Variants in TDRD7 observed in about 807,000 individuals in gnomAD.
The protein encoded by TDRD7 is tudor domain-containing protein 7.
TDRD7 carries 47 observed loss-of-function variants against 109.8 expected under a neutral mutation model. The observed-to-expected ratio is 0.43, with a 90% CI of 0.34 to 0.55. The LOEUF (loss-of-function observed/expected upper bound fraction) is 0.55. Among genes scored for constraint, TDRD7 ranks in the 20% least tolerant of loss-of-function variants. The pLI, the probability that TDRD7 is intolerant of heterozygous loss-of-function variation, is 0.03. For missense variants in TDRD7, 1,164 were observed against 1,319.2 expected (o/e 0.88, Z 1.82); for synonymous variants, 424 against 457.3 (o/e 0.93, Z 0.93).
Position 97,465,008 on chromosome 9 carries a change from A to G in TDRD7, c.1609A>G (p.Thr537Ala), listed in dbSNP as rs1828798768. Residue 537 changes from threonine to alanine, a missense_variant, in exon 8 of 17, where the codon ACA (threonine) becomes GCA (alanine). Thr to Ala is a moderately conservative substitution (Grantham distance 58). Transcript: ENST00000355295. ...CTGGTTACGGGCACAGGTCATCTCA[A>G]CAGAAGAGAACAAAATAAAGGCAAG... The part of the protein sequence containing the change: ...DAWLRAQVIS[T>A]EENKIKVCYV... The G allele has an allele frequency of 6.2e-7, 1 of 1,614,020 alleles. No individual in the cohort carries two copies. Among genetic ancestry groups the G allele is most frequent in the Non-Finnish European group, 8.5e-7 (1 of 1,179,956 alleles).
rs182184732 is a variant in TDRD7 at position 97,461,248 on chromosome 9, T to G, written c.1442+484T>G. The stretch of plus-strand genomic sequence containing the variant: ...TCAAAATATACAGCTATCCTAAGAC[T>G]ACTAATAGCTTTAAACATTGGAATG... On this transcript the variant is annotated intron_variant, in intron 7 of 16. Transcript: ENST00000355295. Among the ~76,000 whole-genome samples the G allele has an allele frequency of 2.0e-5, 3 of 152,308 alleles. No homozygotes were observed. In the East Asian group the frequency reaches 5.8e-4, roughly 29 times the overall value.
chr9:97,444,994 C>T (rs1275560679), intron 6 of TDRD7, among the ~76,000 whole-genome samples: 6 of 152,160 alleles, frequency 3.9e-5, no homozygotes, highest in Non-Finnish European at 5.9e-5. Context: ...TTGTCCTTAA[C>T]CTTTTGGGTC....
chr9:97,416,387 T>A (rs1053540634), intron 1 of TDRD7, among the ~76,000 whole-genome samples: 11 of 152,238 alleles, frequency 7.2e-5, no homozygotes, highest in Non-Finnish European at 1.0e-4. Flanking sequence ...ATTGGTCAAT[T>A]AAACATATAA....
intron 4 of TDRD7, among the ~76,000 whole-genome samples, chr9:97,432,589 C>T (rs1828123513): frequency 6.6e-6 from 1 of 152,176 alleles, no homozygotes; most frequent in Non-Finnish European, 1.5e-5. Flanking sequence ...AGACACTCCA[C>T]TGTGCTGCAA....
At position 97,459,299 on chromosome 9, in the gene TDRD7, A is replaced by G. The variant is rs565159383; in HGVS notation, c.856-879A>G. Among the ~76,000 whole-genome samples, 4 of 152,360 alleles carry G rather than the reference A, an allele frequency of 2.6e-5. No individual in the cohort carries two copies. In the East Asian group the frequency reaches 7.7e-4, roughly 29 times the overall value. On this transcript the variant is annotated intron_variant, in intron 6 of 16. Coordinates refer to ENST00000355295, the MANE Select transcript of TDRD7 (RefSeq NM_014290.3). Reference sequence around the variant, plus strand: ...ACTGTGTTCCAATAAAACTTTATGTATATTGAGTTTCATATAATTTTTGCA... The same window carrying G: ...ACTGTGTTCCAATAAAACTTTATGTGTATTGAGTTTCATATAATTTTTGCA...
In TDRD7 at chr9:97,456,123, T is replaced by G. The variant is rs532833811; in HGVS notation, c.856-4055T>G. Among the ~76,000 whole-genome samples, 11 of 152,204 alleles carry G rather than the reference T, an allele frequency of 7.2e-5. 1 individual carries two copies. The South Asian group carries it at 2.3e-3, about 32-fold the overall frequency. On this transcript the variant is annotated intron_variant, in intron 6 of 16. Transcript: ENST00000355295. ...CTAGGAACACAGCTAACAAAGGACA[T>G]GAAGGACCTCTTCAAAGACAACTAC...
chr9:97,487,783 G>A (rs1829237171), intron 16 of TDRD7, among the ~76,000 whole-genome samples: 1 of 151,816 alleles, frequency 6.6e-6, no homozygotes, highest in Non-Finnish European at 1.5e-5. Flanking sequence ...CTTTACACTA[G>A]CTAAAACGAA....
chr9:97,455,550 A>C (rs1321251721), intron 6 of TDRD7, among the ~76,000 whole-genome samples: 1 of 152,254 alleles, frequency 6.6e-6, no homozygotes, highest in African/African-American at 2.4e-5. Context: ...AATCCATCAC[A>C]TAAACAGAAC....
chr9:97,430,916 C>G lies in TDRD7; in HGVS notation c.208-17C>G, dbSNP rs747544844. The G allele has an allele frequency of 6.2e-7, 1 of 1,613,662 alleles. No individual in the cohort carries two copies. The highest frequency in any genetic ancestry group is 1.7e-5 in the Admixed American group (1 of 59,990). ...TCTGAGAAATGTTTCTCCTCTTACC[C>G]TGCCTCTAATGAATAGATTACCTGC... On this transcript the variant is annotated splice_polypyrimidine_tract_variant and intron_variant, in intron 2 of 16. Transcript: ENST00000355295.
chr9:97,480,748 TA>T, intron 13 of TDRD7, 79 bp from the exon 14 acceptor site: 1 of 1,170,836 alleles, frequency 8.5e-7, no homozygotes. Context: ...ATTTGATTTG[TA>T]GGAAAATAAT....
At chr9:97,482,709 T>G in intron 14 of TDRD7, 140 bp from the exon 15 acceptor site, 2 of 861,092 alleles carry the variant, frequency 2.3e-6, no homozygotes, top group Non-Finnish European at 3.5e-6. Flanking sequence ...GCTGTGATAA[T>G]TTATTTTTCC....
At chr9:97,480,518 C>T (rs76197967) in intron 13 of TDRD7, 4,599 of 375,340 alleles carry the variant, frequency 0.012, 168 homozygotes, top group East Asian at 0.1. Context: ...TACAGTCTTT[C>T]TGAGTCCATT....
Position 97,460,587 on chromosome 9 carries a change from G to T in TDRD7, c.1265G>T (p.Gly422Val), listed in dbSNP as rs758720057. 1 of 1,614,198 alleles carries T rather than the reference G, an allele frequency of 6.2e-7. No individual in the cohort carries two copies. Among genetic ancestry groups the T allele is most frequent in the Admixed American group, 1.7e-5 (1 of 60,028 alleles). ...CAAAAGGATGCAGGGCAAGCACATG[G>T]TGATAATGATATCAAGGCTATGGTT... ...KIQKDAGQAH[G>V]DNDIKAMVEQ... Residue 422 changes from glycine (G) to valine (V), a missense_variant, in exon 7 of 17, where the codon GGT (glycine) becomes GTT (valine). Gly to Val is a moderately radical substitution (Grantham distance 109). This residue lies in a region of TDRD7 where 407 missense variants were observed against 394.0 expected (regional missense o/e 1.03). Transcript: ENST00000355295.
chr9:97,485,252 C>T (rs1829193446), intron 15 of TDRD7, among the ~76,000 whole-genome samples: 1 of 152,208 alleles, frequency 6.6e-6, no homozygotes, highest in Admixed American at 6.5e-5. Context: ...GCAGATTCTT[C>T]TTCCTTACCC....
intron 2 of TDRD7, among the ~76,000 whole-genome samples, chr9:97,430,133 C>T (rs1396432470): frequency 6.6e-6 from 1 of 152,200 alleles, no homozygotes; most frequent in Non-Finnish European, 1.5e-5. Context: ...TTGAAAACTA[C>T]ACAGGTCTGT....
At chr9:97,493,985 AC>A (rs1406431405) in intron 16 of TDRD7, among the ~76,000 whole-genome samples, 1 of 152,142 alleles carries the variant, frequency 6.6e-6, no homozygotes, top group Non-Finnish European at 1.5e-5. Context: ...TGCTCTACAA[AC>A]AATTTGTGCA....
intron 6 of TDRD7, among the ~76,000 whole-genome samples, chr9:97,454,679 C>T (rs1317068779): frequency 6.6e-6 from 1 of 152,140 alleles, no homozygotes; most frequent in Non-Finnish European, 1.5e-5. Context: ...TGAGACACAG[C>T]TAATGCAGTG....
intron 8 of TDRD7, among the ~76,000 whole-genome samples, chr9:97,465,388 C>CTT (rs1168991842): frequency 1.3e-5 from 2 of 152,202 alleles, no homozygotes; most frequent in Admixed American, 1.3e-4. Flanking sequence ...GGAAGCCATA[C>CTT]AGACCAAAGG....
intron 7 of TDRD7, 24 bp from the exon 8 acceptor site, chr9:97,464,818 A>G: frequency 6.2e-7 from 1 of 1,613,820 alleles, no homozygotes; most frequent in East Asian, 2.2e-5. Flanking sequence ...CTTCATTTGC[A>G]TTCTCTTCTT....
Sources: allele counts gnomAD v4.1 joint callset (sites outside exome capture counted in the v4.1 genomes callset), GRCh38; gene constraint gnomAD v4.1.1; regional missense constraint gnomAD v4.1.1; transcripts MANE v1.5; gene names NCBI Gene and HGNC (gene_info 2026-07-23, HGNC 2026-07-21).